SLC14A2: variants seen among roughly 807,000 people sequenced by gnomAD.
SLC14A2 encodes solute carrier family 14 member 2, also known as urea transporter 2.
Under a neutral mutation model 104.6 loss-of-function variants are expected in SLC14A2, and 91 were observed. That is an observed-to-expected ratio of 0.87 (90% CI 0.73 to 1.04). The LOEUF is 1.04. Ranked by LOEUF, SLC14A2 falls within the 50% of genes least tolerant of loss-of-function variation. The probability of loss-of-function intolerance (pLI) is 0.00; values close to 1 mark genes in which losing one functional copy is unlikely to be tolerated. For missense variants in SLC14A2, 1,189 were observed against 1,156.0 expected (o/e 1.03, Z -0.41); for synonymous variants, 476 against 466.4 (o/e 1.02, Z -0.27).
chr18:45,651,397 C>T, intron 10 of SLC14A2, among the ~76,000 whole-genome samples: 1 of 152,260 alleles, frequency 6.6e-6, no homozygotes, highest in Middle Eastern at 3.4e-3. Context: ...GAAAGAGCTG[C>T]AGCCGTGTGT....
chr18:45,233,066 C>T (rs2084190255), intron 1 of SLC14A2, among the ~76,000 whole-genome samples: 1 of 152,144 alleles, frequency 6.6e-6, no homozygotes, highest in Non-Finnish European at 1.5e-5. Context: ...GTCTTTGAAC[C>T]TGAGAGAAGT....
chr18:45,223,377 G>T (rs1457524949), intron 1 of SLC14A2, among the ~76,000 whole-genome samples: 1 of 152,162 alleles, frequency 6.6e-6, no homozygotes, highest in East Asian at 1.9e-4. Context: ...TTTGATAGAT[G>T]CATATGTGTG....
intron 1 of SLC14A2, among the ~76,000 whole-genome samples, chr18:45,249,975 C>G (rs2084405013): frequency 6.6e-6 from 1 of 151,972 alleles, no homozygotes; most frequent in Non-Finnish European, 1.5e-5. Context: ...ATGTTGAATT[C>G]ATTCTATGAA....
intron 1 of SLC14A2, among the ~76,000 whole-genome samples, chr18:45,272,050 AAG>A (rs1476882512): frequency 2.0e-5 from 3 of 152,126 alleles, no homozygotes; most frequent in African/African-American, 4.8e-5. Context: ...CACTAGGGAA[AAG>A]AGAGTCTTTT....
chr18:45,625,757 C>T lies in SLC14A2; in HGVS notation c.225C>T (p.Asp75=), dbSNP rs752273819. The change falls in exon 3 of 20, where the codon GAC becomes GAT. Residue 75 remains aspartate, a synonymous_variant. Transcript: ENST00000255226. ...EKLNERSKRK[D]DGVAHRDSAG... ...TCAATGAAAGGAGTAAAAGGAAAGA[C>T]GACGGGGTGGCCCATCGGGACTCAG... 1.7e-5 allele frequency: 26 copies of T among 1,565,866 alleles called. No individual in the cohort carries two copies. The highest frequency in any genetic ancestry group is 4.0e-5 in the Admixed American group (2 of 50,440).
At chr18:45,236,696 G>C (rs12967627) in intron 1 of SLC14A2, among the ~76,000 whole-genome samples, 2 of 151,276 alleles carry the variant, frequency 1.3e-5, no homozygotes, top group Non-Finnish European at 2.9e-5. Flanking sequence ...CCATATCTTA[G>C]CTATTATGAA....
At chr18:45,558,257 C>G (rs1331187813) in intron 2 of SLC14A2, among the ~76,000 whole-genome samples, 3 of 152,200 alleles carry the variant, frequency 2.0e-5, no homozygotes, top group African/African-American at 7.2e-5. Context: ...TTGTAGACCC[C>G]TAAGGACACC....
intron 1 of SLC14A2, among the ~76,000 whole-genome samples, chr18:45,343,352 A>C (rs562305822): frequency 6.6e-6 from 1 of 152,110 alleles, no homozygotes; most frequent in Non-Finnish European, 1.5e-5. Flanking sequence ...GATCAGAGGT[A>C]ACCAATGCTA....
intron 1 of SLC14A2, among the ~76,000 whole-genome samples, chr18:45,432,220 C>T (rs1298474384): frequency 2.0e-5 from 3 of 152,072 alleles, no homozygotes; most frequent in African/African-American, 7.2e-5. Flanking sequence ...CGGAACCCTC[C>T]CCGTACAGTG....
At chr18:45,355,301 C>A (rs916189787) in intron 1 of SLC14A2, among the ~76,000 whole-genome samples, 1 of 152,008 alleles carries the variant, frequency 6.6e-6, no homozygotes, top group African/African-American at 2.4e-5. Context: ...TTAGGCCTGG[C>A]GCGGTGGCTC....
At chr18:45,565,373 C>T (rs1013961830) in intron 2 of SLC14A2, among the ~76,000 whole-genome samples, 1 of 152,124 alleles carries the variant, frequency 6.6e-6, no homozygotes, top group African/African-American at 2.4e-5. Flanking sequence ...ATCCGCCCGC[C>T]TCGTGGGATC....
intron 2 of SLC14A2, among the ~76,000 whole-genome samples, chr18:45,537,734 G>A (rs2043817518): frequency 1.3e-5 from 2 of 152,184 alleles, no homozygotes; most frequent in Admixed American, 6.5e-5. Context: ...ACTGAAGGAA[G>A]CAAGAAGCAG....
chr18:45,274,133 C>A (rs545860913), intron 1 of SLC14A2, among the ~76,000 whole-genome samples: 7 of 152,204 alleles, frequency 4.6e-5, no homozygotes, highest in African/African-American at 1.7e-4. Context: ...AACAATGACA[C>A]CCACAACTCT....
At chr18:45,452,518 CAACA>C (rs1313324223) in intron 1 of SLC14A2, among the ~76,000 whole-genome samples, 1 of 152,176 alleles carries the variant, frequency 6.6e-6, no homozygotes, top group Non-Finnish European at 1.5e-5. Flanking sequence ...GGAAACAATG[CAACA>C]AAGAAGGACT....
chr18:45,205,115 G>A, the SLC14A2 span, among the ~76,000 whole-genome samples: 1 of 152,190 alleles, frequency 6.6e-6, no homozygotes, highest in Non-Finnish European at 1.5e-5. Context: ...GGACCTCTCT[G>A]TGTTGAGACT....
chr18:45,212,103 C>A (rs1003115747), upstream of SLC14A2, among the ~76,000 whole-genome samples: 1 of 151,782 alleles, frequency 6.6e-6, no homozygotes, highest in Non-Finnish European at 1.5e-5. Flanking sequence ...AATAATTATC[C>A]TGGGGTGAAG....
At chr18:45,300,470 T>G (rs75015786) in intron 1 of SLC14A2, among the ~76,000 whole-genome samples, 1 of 152,284 alleles carries the variant, frequency 6.6e-6, no homozygotes, top group East Asian at 1.9e-4. Context: ...GTTGCAGAAT[T>G]TCTTTTCCAT....
intron 2 of SLC14A2, among the ~76,000 whole-genome samples, chr18:45,510,965 C>T (rs1312790525): frequency 6.6e-6 from 1 of 152,208 alleles, no homozygotes; most frequent in African/African-American, 2.4e-5. Flanking sequence ...CTTTTTCCCC[C>T]TCCTCTCCTG....
At chr18:45,401,030 C>T (rs1015883856) in intron 1 of SLC14A2, among the ~76,000 whole-genome samples, 2 of 152,132 alleles carry the variant, frequency 1.3e-5, no homozygotes, top group African/African-American at 4.8e-5. Context: ...TTTCAGTGAG[C>T]AAGGGCCTTT....
Sources: allele counts gnomAD v4.1 joint callset (sites outside exome capture counted in the v4.1 genomes callset), GRCh38; gene constraint gnomAD v4.1.1; transcripts MANE v1.5; gene names NCBI Gene and HGNC (gene_info 2026-07-23, HGNC 2026-07-21).